Variants in LRP1B observed in about 807,000 individuals in gnomAD.
LRP1B encodes LDL receptor related protein 1B.
A neutral mutation model predicts 556.6 loss-of-function variants in LRP1B; 217 were observed. The ratio of observed to expected loss-of-function variants is 0.39; its 90% confidence interval spans 0.35 to 0.44. The LOEUF (loss-of-function observed/expected upper bound fraction) is 0.44. Among genes scored for constraint, LRP1B ranks in the 20% least tolerant of loss-of-function variants. LRP1B has a pLI of 1.00. For missense variants in LRP1B, 5,053 were observed against 5,620.8 expected, an observed-to-expected ratio of 0.90 and a Z score of 3.23; for synonymous variants, 2,047 against 1,865.8, an observed-to-expected ratio of 1.10 and a Z score of -2.50.
At chr2:140,777,561 A>G (rs999084867) in intron 32 of LRP1B, among the ~76,000 whole-genome samples, 1 of 152,228 alleles carries the variant, frequency 6.6e-6, no homozygotes, top group African/African-American at 2.4e-5. Context: ...TGAAAGATAA[A>G]CAGTCCTTCT....
intron 7 of LRP1B, among the ~76,000 whole-genome samples, chr2:141,125,495 A>C (rs980889668): frequency 6.6e-6 from 1 of 152,178 alleles, no homozygotes; most frequent in African/African-American, 2.4e-5. Context: ...TGATGCTAGC[A>C]TTCTCTTAGT....
chr2:141,419,734 T>C (rs1029789965), intron 3 of LRP1B, among the ~76,000 whole-genome samples: 6 of 152,096 alleles, frequency 3.9e-5, no homozygotes, highest in Non-Finnish European at 8.8e-5. Flanking sequence ...TTCTATTGTT[T>C]CTATATTTCT....
chr2:140,709,639 G>A, intron 37 of LRP1B, among the ~76,000 whole-genome samples: 1 of 152,042 alleles, frequency 6.6e-6, no homozygotes. Flanking sequence ...AACAGGATTT[G>A]TGCCCACTTT....
intron 64 of LRP1B, 40 bp from the exon 65 acceptor site, chr2:140,444,489 T>A (rs753574578): frequency 6.2e-7 from 1 of 1,613,464 alleles, no homozygotes; most frequent in Non-Finnish European, 8.5e-7. Context: ...AATTTGTGTC[T>A]GAATTAAAAT....
At chr2:141,256,529 T>C (rs1240379752) in intron 3 of LRP1B, among the ~76,000 whole-genome samples, 1 of 151,992 alleles carries the variant, frequency 6.6e-6, no homozygotes, top group African/African-American at 2.4e-5. Context: ...TGTTCAAAAG[T>C]ACCTAACAGT....
intron 3 of LRP1B, among the ~76,000 whole-genome samples, chr2:141,351,863 G>A (rs1198275978): frequency 9.2e-5 from 14 of 151,830 alleles, no homozygotes; most frequent in Non-Finnish European, 2.9e-5. Context: ...AATGAAGATG[G>A]GCAAGAGGCA....
At chr2:141,413,790 T>A (rs940036836) in intron 3 of LRP1B, among the ~76,000 whole-genome samples, 2 of 151,296 alleles carry the variant, frequency 1.3e-5, no homozygotes, top group African/African-American at 4.9e-5. Context: ...AGGCTGAGGA[T>A]AACCTGAGCA....
chr2:141,775,797 T>A (rs16847141), intron 2 of LRP1B, among the ~76,000 whole-genome samples: 31,723 of 151,420 alleles, frequency 0.21, 3,650 homozygotes, highest in African/African-American at 0.32. Flanking sequence ...AATATAGAAT[T>A]GAGATACTGA....
At chr2:141,502,628 A>T (rs13393536) in intron 2 of LRP1B, among the ~76,000 whole-genome samples, 1 of 151,758 alleles carries the variant, frequency 6.6e-6, no homozygotes, top group African/African-American at 2.4e-5. Flanking sequence ...TGGGAGGCTG[A>T]GGTGGGCGGA....
intron 7 of LRP1B, among the ~76,000 whole-genome samples, chr2:141,144,517 G>T (rs1381135116): frequency 6.6e-6 from 1 of 152,126 alleles, no homozygotes; most frequent in African/African-American, 2.4e-5. Context: ...GAAGTTCTAA[G>T]TTATATCTAA....
intron 2 of LRP1B, among the ~76,000 whole-genome samples, chr2:141,625,319 A>C (rs1381304181): frequency 6.6e-6 from 1 of 152,198 alleles, no homozygotes; most frequent in Non-Finnish European, 1.5e-5. Flanking sequence ...TTAATATTAT[A>C]CTCAATGATA....
chr2:140,282,980 TA>T (rs1682978597), intron 84 of LRP1B, among the ~76,000 whole-genome samples: 1 of 151,840 alleles, frequency 6.6e-6, no homozygotes, highest in Non-Finnish European at 1.5e-5. Context: ...ATCATTTACT[TA>T]CATCTAATTT....
chr2:141,797,169 ATATATATATATATATATAAC>A lies in LRP1B; in HGVS notation c.205+13090_205+13109del, dbSNP rs1392039514. Among the ~76,000 whole-genome samples, 385 of 88,694 alleles carry A rather than the reference ATATATATATATATATATAAC, an allele frequency of 4.3e-3. 3 individuals carry two copies. Among genetic ancestry groups the A allele is most frequent in the African/African-American group, 0.012 (356 of 29,336 alleles). The allele number at this position is 88,694 out of a possible 152,430, so 58.2% of individuals were successfully genotyped here. A position where few individuals can be genotyped will look rare whatever the true frequency, so the allele number is the denominator to read the frequency against. ...ATCATATATATATATATATATATAT[ATATATATATATATATATAAC>A]TATATATATCTTCAGGGAATTCAAG... On this transcript the variant is annotated intron_variant, in intron 2 of 90. Coordinates refer to ENST00000389484, the MANE Select transcript of LRP1B (RefSeq NM_018557.3).
chr2:140,246,791 CT>C (rs1213807480), intron 87 of LRP1B, among the ~76,000 whole-genome samples: 1 of 151,416 alleles, frequency 6.6e-6, no homozygotes, highest in Non-Finnish European at 1.5e-5. Context: ...ATATCTGCGA[CT>C]TTTTCAGCTG....
chr2:140,275,048 A>C (rs1048465300), intron 84 of LRP1B, among the ~76,000 whole-genome samples: 6 of 151,946 alleles, frequency 3.9e-5, no homozygotes, highest in African/African-American at 1.4e-4. Flanking sequence ...TCGTGATTAC[A>C]TCGGTATAGC....
At chr2:142,115,591 A>AC (rs1707192759) in intron 1 of LRP1B, among the ~76,000 whole-genome samples, 1 of 46,068 alleles carries the variant, frequency 2.2e-5, no homozygotes, top group African/African-American at 8.1e-5. Flanking sequence ...TAATATATAT[A>AC]TTATATATGT....
chr2:140,642,073 C>T (rs915964812), intron 41 of LRP1B, among the ~76,000 whole-genome samples: 1 of 152,114 alleles, frequency 6.6e-6, no homozygotes, highest in Non-Finnish European at 1.5e-5. Context: ...CCTGGACCTT[C>T]ATAGAGGTTT....
rs780683260 is a variant in LRP1B, at chr2:140,495,633, T to A, written c.8966A>T (p.Tyr2989Phe). 6.2e-7 allele frequency: 1 copy of A among 1,613,884 alleles called. No individual in the cohort carries two copies. Among genetic ancestry groups the A allele is most frequent in the South Asian group, 1.1e-5 (1 of 91,074 alleles). ...SQQCINTYGT[Y>F]KCLCTDGYEI... The stretch of plus-strand genomic sequence containing the variant: ...ATACCCATCTGTACAGAGGCACTTG[T>A]AAGTCCCGTATGTATTGATGCATTG... The change falls in exon 56 of 91, where the codon TAC (tyrosine) becomes TTC (phenylalanine). Residue 2989 changes from tyrosine to phenylalanine, a missense_variant. Tyr to Phe is a conservative substitution (Grantham distance 22). Coordinates refer to ENST00000389484, the MANE Select transcript of LRP1B (RefSeq NM_018557.3).
chr2:141,588,182 A>G (rs1321417542), intron 2 of LRP1B, among the ~76,000 whole-genome samples: 2 of 152,182 alleles, frequency 1.3e-5, no homozygotes, highest in Non-Finnish European at 2.9e-5. Flanking sequence ...ATGTGTCCAC[A>G]ATATCTCAAG....
Sources: gnomAD v4.1 joint callset for allele counts (sites outside exome capture counted in the v4.1 genomes callset) on GRCh38, gnomAD v4.1.1 for gene constraint, MANE v1.5 for transcripts, NCBI Gene and HGNC (gene_info 2026-07-23, HGNC 2026-07-21) for gene names.